PPP1R27: variants seen among roughly 807,000 people sequenced by gnomAD.
The protein encoded by PPP1R27 is protein phosphatase 1 regulatory subunit 27, also known as dysferlin interacting protein 1.
PPP1R27 carries 10 observed loss-of-function variants against 12.0 expected under a neutral mutation model. That is an observed-to-expected ratio of 0.84 (90% CI 0.52 to 1.42). PPP1R27 has a LOEUF of 1.42. Ranked by LOEUF, PPP1R27 falls within the 40% of genes most tolerant of loss-of-function variation. The pLI is 0.00. For missense variants in PPP1R27, 246 were observed against 215.3 expected, an observed-to-expected ratio of 1.14 and a Z score of -0.89; for synonymous variants, 98 against 89.3, an observed-to-expected ratio of 1.10 and a Z score of -0.55.
In PPP1R27 at chr17:81,834,609, A is replaced by G. The variant is rs780894122; in HGVS notation, c.235T>C (p.Cys79Arg). ...HEAVLSGNLECVKLLVKYGAD... is the reference protein window; with the variant it reads ...HEAVLSGNLERVKLLVKYGAD... ...CCGTATTTGACCAGCAGCTTCACGC[A>G]TTCCAGGTTTCCAGAGAGCACGGCT... is the stretch of plus-strand genomic sequence containing the variant. Residue 79 changes from cysteine (C) to arginine (R), a missense_variant, in exon 2 of 3, where the codon TGC (cysteine) becomes CGC (arginine). Cys to Arg is a radical substitution (Grantham distance 180). Coordinates refer to ENST00000330261, the MANE Select transcript of PPP1R27 (RefSeq NM_001007533.4). 8 of 1,614,188 alleles carry G rather than the reference A, an allele frequency of 5.0e-6. No individual in the cohort carries two copies. Among genetic ancestry groups the G allele is most frequent in the Non-Finnish European group, 4.2e-6 (5 of 1,180,026 alleles).
chr17:81,834,567 G>C lies in PPP1R27; in HGVS notation c.277C>G (p.Arg93Gly). The change falls in exon 2 of 3, where the codon CGA becomes GGA. Residue 93 changes from arginine to glycine, a missense_variant. Transcript: ENST00000330261. ...AGGGGTGTCCAGCCCGCCTCATCTC[G>C]CTGGTGAATGTCAGCCCCGTATTTG... ...LVKYGADIHQ[R>G]DEAGWTPLHI... 1 of 1,614,176 alleles carries C rather than the reference G, an allele frequency of 6.2e-7. No homozygotes were observed. The highest frequency in any genetic ancestry group is 8.5e-7 in the Non-Finnish European group (1 of 1,180,020).
rs1389310902 is a variant in PPP1R27 at position 81,834,510 on chromosome 17, T to C, written c.334A>G (p.Ile112Val). The C allele has an allele frequency of 8.1e-6, 13 of 1,613,900 alleles. No homozygotes were observed. The highest frequency in any genetic ancestry group is 1.7e-5 in the Admixed American group (1 of 60,024). ...HIACSDGYPD[I>V]ARYLISLGAD... ...GACCCAGGGCCCCCTCACCTGGCTA[T>C]GTCAGGGTACCCATCGCTGCAGGCA... is the stretch of plus-strand genomic sequence containing the variant. The change falls in exon 2 of 3, where the codon ATA (isoleucine) becomes GTA (valine). Residue 112 changes from isoleucine to valine, a missense_variant. Ile to Val is a conservative substitution (Grantham distance 29). Coordinates refer to ENST00000330261, the MANE Select transcript of PPP1R27 (RefSeq NM_001007533.4).
In PPP1R27 at chr17:81,833,847, A is replaced by C. The variant is rs1489980517; in HGVS notation, c.347T>G (p.Leu116Arg). 6.3e-7 allele frequency: 1 copy of C among 1,594,990 alleles called. No individual in the cohort carries two copies. Among genetic ancestry groups the C allele is most frequent in the Non-Finnish European group, 8.5e-7 (1 of 1,171,090 alleles). Residue 116 changes from leucine to arginine, a missense_variant, in exon 3 of 3, where the codon CTT becomes CGT. Leu to Arg is a moderately radical substitution (Grantham distance 102). Transcript: ENST00000330261. Reference sequence around the variant, plus strand: ...ATCCCTGTCCGCTCCCAGGGAGATAAGGTACCTGGGGTGTAAAGGTCGCTC... The same window carrying C: ...ATCCCTGTCCGCTCCCAGGGAGATACGGTACCTGGGGTGTAAAGGTCGCTC... ...SDGYPDIARY[L>R]ISLGADRDAT...
rs201955007 is a variant in PPP1R27, at chr17:81,834,511, G to A, written c.333C>T (p.Asp111=). 1 of 1,613,962 alleles carries A rather than the reference G, an allele frequency of 6.2e-7. No individual in the cohort carries two copies. The highest frequency in any genetic ancestry group is 1.3e-5 in the African/African-American group (1 of 75,048). The change falls in exon 2 of 3, where the codon GAC becomes GAT. Residue 111 remains aspartate (D), a synonymous_variant. Coordinates refer to ENST00000330261, the MANE Select transcript of PPP1R27 (RefSeq NM_001007533.4). The part of the protein sequence containing the change: ...LHIACSDGYP[D]IARYLISLGA... ...ACCCAGGGCCCCCTCACCTGGCTAT[G>A]TCAGGGTACCCATCGCTGCAGGCAA...
rs1358286235 is a variant in PPP1R27, at chr17:81,834,593, A to G, written c.251T>C (p.Val84Ala). 2 of 1,614,050 alleles carry G rather than the reference A, an allele frequency of 1.2e-6. No individual in the cohort carries two copies. The highest frequency in any genetic ancestry group is 2.7e-5 in the African/African-American group (2 of 74,922). ...CTGGTGAATGTCAGCCCCGTATTTG[A>G]CCAGCAGCTTCACGCATTCCAGGTT... ...SGNLECVKLLVKYGADIHQRD... is the reference protein window; with the variant it reads ...SGNLECVKLLAKYGADIHQRD... The change falls in exon 2 of 3, where the codon GTC (valine) becomes GCC (alanine). Residue 84 changes from valine (V) to alanine (A), a missense_variant. Coordinates refer to ENST00000330261, the MANE Select transcript of PPP1R27 (RefSeq NM_001007533.4).
At position 81,834,630 on chromosome 17, in the gene PPP1R27, C is replaced by T; in HGVS notation, c.214G>A (p.Val72Met). Reference sequence around the variant, plus strand: ...ACGCATTCCAGGTTTCCAGAGAGCACGGCTTCATGCAAGGCGGCCAGGCCT... The same window carrying T: ...ACGCATTCCAGGTTTCCAGAGAGCATGGCTTCATGCAAGGCGGCCAGGCCT... The part of the protein sequence containing the change: ...PSGLAALHEA[V>M]LSGNLECVKL... The change falls in exon 2 of 3, where the codon GTG (valine) becomes ATG (methionine). Residue 72 changes from valine to methionine, a missense_variant. Val to Met is a conservative substitution (Grantham distance 21). Coordinates refer to ENST00000330261, the MANE Select transcript of PPP1R27 (RefSeq NM_001007533.4). 1 of 1,614,162 alleles carries T rather than the reference C, an allele frequency of 6.2e-7. No individual in the cohort carries two copies. The highest frequency in any genetic ancestry group is 1.1e-5 in the South Asian group (1 of 91,090).
In PPP1R27 at chr17:81,834,840, G is replaced by C. The variant is rs535491596; in HGVS notation, c.114C>G (p.Ile38Met). 6.2e-7 allele frequency: 1 copy of C among 1,613,726 alleles called. No individual in the cohort carries two copies. Among genetic ancestry groups the C allele is most frequent in the African/African-American group, 1.3e-5 (1 of 75,076 alleles). ...CCACCTGCTCCAGGTCACCCTGCCGGATGTGGTCCAAGAACAGGACATCAT... is the reference window on the plus strand; with the variant it reads ...CCACCTGCTCCAGGTCACCCTGCCGCATGTGGTCCAAGAACAGGACATCAT... ...FPNDVLFLDH[I>M]RQGDLEQVGR... Residue 38 changes from isoleucine (I) to methionine (M), a missense_variant, in exon 1 of 3, where the codon ATC (isoleucine) becomes ATG (methionine). Coordinates refer to ENST00000330261, the MANE Select transcript of PPP1R27 (RefSeq NM_001007533.4).
At position 81,833,661 on chromosome 17, in the gene PPP1R27, C is replaced by T; in HGVS notation, c.*68G>A. The stretch of plus-strand genomic sequence containing the variant: ...GGCCCACGGGTGGGGCACGTGCTGG[C>T]CCATGGGCGACGCGCGGCTTCTCCA... On this transcript the variant is annotated 3_prime_UTR_variant, in exon 3 of 3. Coordinates refer to ENST00000330261, the MANE Select transcript of PPP1R27 (RefSeq NM_001007533.4). 6 of 1,510,634 alleles carry T rather than the reference C, an allele frequency of 4.0e-6. No individual in the cohort carries two copies. The highest frequency in any genetic ancestry group is 2.5e-5 in the East Asian group (1 of 40,480). The allele number at this position is 1,510,634 out of a possible 1,614,324, so 93.6% of individuals were successfully genotyped here.
intron 2 of PPP1R27, chr17:81,834,244 G>A (rs2038582490): frequency 2.0e-6 from 1 of 501,196 alleles, no homozygotes; most frequent in Non-Finnish European, 3.6e-6. Flanking sequence ...TGGGATTACA[G>A]GCGCGCGCCA....
In PPP1R27 at chr17:81,834,996, A is replaced by G; in HGVS notation, c.-43T>C. 7 of 1,518,236 alleles carry G rather than the reference A, an allele frequency of 4.6e-6. No individual in the cohort carries two copies. Among genetic ancestry groups the G allele is most frequent in the Non-Finnish European group, 6.2e-6 (7 of 1,135,494 alleles). 94.0% of individuals were successfully genotyped at this position (1,518,236 alleles called of 1,614,324 possible). On this transcript the variant is annotated 5_prime_UTR_variant, in exon 1 of 3. Transcript: ENST00000330261. ...AGGTTGCCCCTGGGGACCCTACTGC[A>G]CTGGGGTTAATAATGTATCCGGTCC...
In PPP1R27 at chr17:81,834,811, C is replaced by T. The variant is rs993885969; in HGVS notation, c.143G>A (p.Arg48His). ...GGAGACTTTCCGAGTCCGGATGAAG[C>T]GCCCCACCTGCTCCAGGTCACCCTG... Reference protein sequence around the residue: ...IRQGDLEQVGRFIRTRKVSLA... With the variant: ...IRQGDLEQVGHFIRTRKVSLA... The change falls in exon 1 of 3, where the codon CGC becomes CAC. Residue 48 changes from arginine to histidine, a missense_variant. By Grantham distance (29) the Arg-to-His change is conservative. Coordinates refer to ENST00000330261, the MANE Select transcript of PPP1R27 (RefSeq NM_001007533.4). The T allele has an allele frequency of 5.0e-6, 8 of 1,613,268 alleles. No individual in the cohort carries two copies. The highest frequency in any genetic ancestry group is 2.2e-5 in the East Asian group (1 of 44,888).
chr17:81,834,734 C>T (rs376867508), intron 1 of PPP1R27, 30 bp downstream of exon 1: 25 of 1,609,450 alleles, frequency 1.6e-5, no homozygotes, highest in Admixed American at 6.7e-5. Flanking sequence ...ACCCCACAGG[C>T]CCTGGCCAGC....
In PPP1R27 at chr17:81,834,847, T is replaced by G. The variant is rs752668582; in HGVS notation, c.107A>C (p.Asp36Ala). The G allele has an allele frequency of 2.5e-6, 4 of 1,613,502 alleles. No homozygotes were observed. The Admixed American group carries it at 5.0e-5, about 20-fold the overall frequency. The change falls in exon 1 of 3, where the codon GAC (aspartate) becomes GCC (alanine). Residue 36 changes from aspartate (D) to alanine (A), a missense_variant. Asp to Ala is a moderately radical substitution (Grantham distance 126). Coordinates refer to ENST00000330261, the MANE Select transcript of PPP1R27 (RefSeq NM_001007533.4). ...CTCCAGGTCACCCTGCCGGATGTGG[T>G]CCAAGAACAGGACATCATTAGGGAA... ...VRFPNDVLFL[D>A]HIRQGDLEQV... is the part of the protein sequence containing the mutation.
At position 81,834,949 on chromosome 17, in the gene PPP1R27, G is replaced by A; in HGVS notation, c.5C>T (p.Pro2Leu). M[P>L]SRTARYARYS... ...GCGGGCATAGCGGGCAGTTCTGCTAGGCATCTTGGGCGCTGTGGGGCAGGT... is the reference window on the plus strand; with the variant it reads ...GCGGGCATAGCGGGCAGTTCTGCTAAGCATCTTGGGCGCTGTGGGGCAGGT... Residue 2 changes from proline (P) to leucine (L), a missense_variant, in exon 1 of 3, where the codon CCT (proline) becomes CTT (leucine). By Grantham distance (98) the Pro-to-Leu change is moderately conservative (BLOSUM62 -3). Coordinates refer to ENST00000330261, the MANE Select transcript of PPP1R27 (RefSeq NM_001007533.4). The A allele has an allele frequency of 1.9e-6, 3 of 1,599,142 alleles. No individual in the cohort carries two copies. The highest frequency in any genetic ancestry group is 2.6e-6 in the Non-Finnish European group (3 of 1,173,482).
chr17:81,834,219 T>C (rs1319791454), intron 2 of PPP1R27: 2 of 474,690 alleles, frequency 4.2e-6, no homozygotes, highest in African/African-American at 1.9e-5. Flanking sequence ...TTCTCCTGCC[T>C]CAGCCTTGAG....
At chr17:81,834,178 A>C in intron 2 of PPP1R27, 2 of 459,334 alleles carry the variant, frequency 4.4e-6, no homozygotes. Context: ...ATCTCGACTC[A>C]CGGCAACCTC....
rs1184173669 is a variant in PPP1R27 at position 81,834,509 on chromosome 17, A to G, written c.335T>C (p.Ile112Thr). 22 of 1,613,822 alleles carry G rather than the reference A, an allele frequency of 1.4e-5. No homozygotes were observed. Among genetic ancestry groups the G allele is most frequent in the East Asian group, 2.2e-5 (1 of 44,884 alleles). The change falls in exon 2 of 3, where the codon ATA (isoleucine) becomes ACA (threonine). Residue 112 changes from isoleucine to threonine, a missense_variant. Ile to Thr is a moderately conservative substitution (Grantham distance 89). Coordinates refer to ENST00000330261, the MANE Select transcript of PPP1R27 (RefSeq NM_001007533.4). ...AGACCCAGGGCCCCCTCACCTGGCT[A>G]TGTCAGGGTACCCATCGCTGCAGGC... ...HIACSDGYPD[I>T]ARYLISLGAD...
intron 2 of PPP1R27, 119 bp from the exon 3 acceptor site, chr17:81,833,971 A>C (rs771269356): frequency 8.5e-5 from 104 of 1,226,166 alleles, no homozygotes; most frequent in Non-Finnish European, 1.1e-4. Flanking sequence ...TTGGGGTCCT[A>C]AGGTCCGGGT....
In PPP1R27 at chr17:81,833,702, G is replaced by A; in HGVS notation, c.*27C>T. ...GGCTTCTCCAGGGAGGCGGCCCTGG[G>A]CGCGGGGGCGGGCGGGCAAAGCTGG... On this transcript the variant is annotated 3_prime_UTR_variant, in exon 3 of 3. Coordinates refer to ENST00000330261, the MANE Select transcript of PPP1R27 (RefSeq NM_001007533.4). 6.5e-7 allele frequency: 1 copy of A among 1,543,588 alleles called. No homozygotes were observed. Among genetic ancestry groups the A allele is most frequent in the Non-Finnish European group, 8.7e-7 (1 of 1,145,854 alleles).
Sources: allele counts gnomAD v4.1 joint callset, GRCh38; gene constraint gnomAD v4.1.1; transcripts MANE v1.5; gene names NCBI Gene and HGNC (gene_info 2026-07-23, HGNC 2026-07-21).